Variants in TIAM1 observed in about 807,000 individuals in gnomAD.
TIAM1 encodes the protein TIAM Rac1 associated GEF 1.
Under a neutral mutation model 163.5 loss-of-function variants are expected in TIAM1, and 65 were observed. That is an observed-to-expected ratio of 0.40 (90% CI 0.33 to 0.49). The LOEUF (loss-of-function observed/expected upper bound fraction) is 0.49, where lower values mean the gene tolerates loss of function less well. TIAM1 is among the 20% of genes least tolerant of loss of function. The pLI is 0.77. For synonymous variants in TIAM1, 833 were observed against 810.1 expected, an observed-to-expected ratio of 1.03 and a Z score of -0.48; for missense variants, 1,789 against 2,044.7, an observed-to-expected ratio of 0.87 and a Z score of 2.41.
chr21:31,176,434 A>G (rs2146413644), intron 15 of TIAM1, among the ~76,000 whole-genome samples: 1 of 152,236 alleles, frequency 6.6e-6, no homozygotes, highest in African/African-American at 2.4e-5. Flanking sequence ...AAAAAAACCA[A>G]AACAGATGAA....
At chr21:31,262,259 CA>C (rs1372058419) in intron 4 of TIAM1, among the ~76,000 whole-genome samples, 5 of 152,168 alleles carry the variant, frequency 3.3e-5, no homozygotes, top group African/African-American at 1.2e-4. Context: ...GTCAAATAAC[CA>C]AGAGGTAACA....
intron 6 of TIAM1, among the ~76,000 whole-genome samples, chr21:31,239,127 T>A (rs1273268750): frequency 2.2e-5 from 3 of 136,672 alleles, no homozygotes; most frequent in Non-Finnish European, 4.6e-5. Flanking sequence ...AGAAAAACAA[T>A]TTTTTTTTTT....
intron 1 of TIAM1, among the ~76,000 whole-genome samples, chr21:31,546,966 G>GC (rs2048519914): frequency 6.8e-6 from 1 of 146,832 alleles, no homozygotes; most frequent in African/African-American, 2.6e-5. Context: ...AGTGGGGGGG[G>GC]GCTGGCTCCT....
chr21:31,442,081 A>AAGGG (rs2044448588), intron 2 of TIAM1, among the ~76,000 whole-genome samples: 1 of 121,150 alleles, frequency 8.3e-6, no homozygotes, highest in African/African-American at 3.1e-5. Flanking sequence ...ATATATATAT[A>AAGGG]TATATAGAAC....
chr21:31,164,052 C>A (rs1032542559), intron 16 of TIAM1, among the ~76,000 whole-genome samples: 3 of 151,856 alleles, frequency 2.0e-5, no homozygotes, highest in African/African-American at 4.8e-5. Context: ...AAAGAGGCTA[C>A]TGACCCATGG....
intron 11 of TIAM1, among the ~76,000 whole-genome samples, chr21:31,206,566 A>C (rs987413349): frequency 1.3e-5 from 2 of 152,250 alleles, no homozygotes; most frequent in African/African-American, 4.8e-5. Context: ...TTTGTTTTCC[A>C]ATGTACATGT....
At chr21:31,356,493 G>A (rs2076318880) in intron 2 of TIAM1, among the ~76,000 whole-genome samples, 1 of 152,142 alleles carries the variant, frequency 6.6e-6, no homozygotes. Context: ...ATTCTAAGGT[G>A]GGGGCCTTTG....
Position 31,462,745 on chromosome 21 carries a change from T to G in TIAM1, c.-369+1238A>C, listed in dbSNP as rs75060763. On this transcript the variant is annotated intron_variant, in intron 2 of 28. Coordinates refer to the TIAM1 transcript ENST00000286827. Reference sequence around the variant, plus strand: ...CTAACCCCACTTTTTTGTTTTTTTTTTTTGTTTTTTTTTTTGAGACCAAGT... The same window carrying G: ...CTAACCCCACTTTTTTGTTTTTTTTGTTTGTTTTTTTTTTTGAGACCAAGT... 7.9e-4 allele frequency among the ~76,000 whole-genome samples: 44 copies of G among 55,770 alleles called. No homozygotes were observed. The South Asian group carries it at 0.019, about 24-fold the overall frequency. 36.6% of individuals were successfully genotyped at this position (55,770 alleles called of 152,430 possible).
chr21:31,421,171 C>T (rs1339254207), intron 2 of TIAM1, among the ~76,000 whole-genome samples: 1 of 151,262 alleles, frequency 6.6e-6, no homozygotes, highest in Non-Finnish European at 1.5e-5. Flanking sequence ...AAGATGAGGT[C>T]ATACTGAATT....
intron 2 of TIAM1, among the ~76,000 whole-genome samples, chr21:31,367,752 A>G (rs2076525922): frequency 2.6e-5 from 4 of 152,198 alleles, no homozygotes; most frequent in Admixed American, 2.6e-4. Flanking sequence ...AGTCCTTGAC[A>G]GACTCATTCC....
At chr21:31,298,422 C>T (rs922721063) in intron 2 of TIAM1, among the ~76,000 whole-genome samples, 1 of 152,062 alleles carries the variant, frequency 6.6e-6, no homozygotes, top group Non-Finnish European at 1.5e-5. Flanking sequence ...TGGTGACTAC[C>T]GCGGGAAATA....
chr21:31,539,387 T>C (rs1185837951), intron 1 of TIAM1, among the ~76,000 whole-genome samples: 1 of 150,662 alleles, frequency 6.6e-6, no homozygotes, highest in Admixed American at 6.6e-5. Flanking sequence ...TGCCTCAGCC[T>C]CCCGAGTAGC....
At chr21:31,361,711 G>A (rs1267763061) in intron 2 of TIAM1, among the ~76,000 whole-genome samples, 1 of 152,120 alleles carries the variant, frequency 6.6e-6, no homozygotes, top group Non-Finnish European at 1.5e-5. Flanking sequence ...AAAGCCCAAT[G>A]AGTAACACAT....
chr21:31,208,349 C>A (rs911557288), intron 11 of TIAM1, among the ~76,000 whole-genome samples: 2 of 152,172 alleles, frequency 1.3e-5, no homozygotes, highest in African/African-American at 4.8e-5. Flanking sequence ...CAGAGTTCGG[C>A]TTATACAAAA....
chr21:31,331,282 T>C (rs2075670734), intron 2 of TIAM1, among the ~76,000 whole-genome samples: 1 of 152,116 alleles, frequency 6.6e-6, no homozygotes, highest in South Asian at 2.1e-4. Flanking sequence ...AAAATCCATA[T>C]ATAATTATTA....
intron 3 of TIAM1, among the ~76,000 whole-genome samples, chr21:31,268,384 A>G (rs2072897332): frequency 6.6e-6 from 1 of 152,238 alleles, no homozygotes; most frequent in Admixed American, 6.5e-5. Context: ...GGAACACAAT[A>G]TACCTTCACA....
chr21:31,247,729 G>T (rs1046800641), intron 5 of TIAM1, among the ~76,000 whole-genome samples: 6 of 152,010 alleles, frequency 3.9e-5, no homozygotes, highest in Non-Finnish European at 7.4e-5. Flanking sequence ...AAAGTTGCAT[G>T]GTACAATTTA....
At chr21:31,469,916 C>G (rs1220192116) in intron 1 of TIAM1, among the ~76,000 whole-genome samples, 1 of 151,944 alleles carries the variant, frequency 6.6e-6, no homozygotes, top group Non-Finnish European at 1.5e-5. Context: ...GATTTTTAAG[C>G]TAGATTTCCA....
intron 7 of TIAM1, 45 bp downstream of exon 7, chr21:31,225,681 A>T: frequency 1.1e-5 from 15 of 1,414,526 alleles, no homozygotes; most frequent in African/African-American, 1.4e-5. Context: ...ACCCTTTTAG[A>T]GACCTAACAA....
Sources: gnomAD v4.1 joint callset for allele counts (sites outside exome capture counted in the v4.1 genomes callset) on GRCh38, gnomAD v4.1.1 for gene constraint, MANE v1.5 for transcripts, NCBI Gene and HGNC (gene_info 2026-07-23, HGNC 2026-07-21) for gene names.